CUX2: variants seen among roughly 807,000 people sequenced by gnomAD.
CUX2 encodes cut like homeobox 2, also known as homeobox protein cut-like 2.
Under a neutral mutation model 144.8 loss-of-function variants are expected in CUX2, and 40 were observed. The observed-to-expected ratio is 0.28, with a 90% confidence interval of 0.21 to 0.36. The LOEUF (loss-of-function observed/expected upper bound fraction) is 0.36, where lower values mean the gene tolerates loss of function less well. Among genes scored for constraint, CUX2 ranks in the 10% least tolerant of loss-of-function variants. The pLI is 1.00. For synonymous variants in CUX2, 827 were observed against 875.6 expected, an observed-to-expected ratio of 0.94 and a Z score of 0.98; for missense variants, 1,615 against 1,994.0, an observed-to-expected ratio of 0.81 and a Z score of 3.62.
chr12:111,034,261 CCG>C lies in CUX2; in HGVS notation c.63+26_63+27del. On this transcript the variant is annotated intron_variant, in intron 1 of 21. Coordinates refer to ENST00000261726, the MANE Select transcript of CUX2 (RefSeq NM_015267.4). This position sits in a 1 kb window ranked among gnomAD's most constrained non-coding sequence, Gnocchi z 4.2. ...TCCAGGTTAGTGCGGGCAGCGCCGG[CCG>C]CGCGGCCGTGAGGAGCCCCCGGGCG... The C allele has an allele frequency of 7.5e-7, 1 of 1,328,818 alleles. No individual in the cohort carries two copies. Among genetic ancestry groups the C allele is most frequent in the Non-Finnish European group, 9.9e-7 (1 of 1,007,020 alleles). 82.3% of individuals were successfully genotyped at this position (1,328,818 alleles called of 1,614,324 possible).
chr12:111,047,975 A>C (rs1352698574), intron 1 of CUX2, among the ~76,000 whole-genome samples: 1 of 152,070 alleles, frequency 6.6e-6, no homozygotes, highest in Non-Finnish European at 1.5e-5. Flanking sequence ...CTCCAGGAGG[A>C]GCCTGTGCAA....
intron 1 of CUX2, among the ~76,000 whole-genome samples, chr12:111,193,240 G>A (rs964422873): frequency 1.3e-5 from 2 of 152,314 alleles, no homozygotes; most frequent in South Asian, 2.1e-4. Context: ...GCCTGACTGC[G>A]CCCCATAGCC....
chr12:111,225,248 T>G (rs1224412890), intron 3 of CUX2, among the ~76,000 whole-genome samples: 1 of 152,132 alleles, frequency 6.6e-6, no homozygotes, highest in African/African-American at 2.4e-5. Flanking sequence ...TGAGCATGAG[T>G]TGGCATTCCC....
intron 1 of CUX2, among the ~76,000 whole-genome samples, chr12:111,185,449 G>T: frequency 6.6e-6 from 1 of 152,234 alleles, no homozygotes; most frequent in East Asian, 1.9e-4. Flanking sequence ...TGGTCACCCA[G>T]AGCAGGGACA....
chr12:111,216,212 C>A (rs1404449392), intron 2 of CUX2, among the ~76,000 whole-genome samples: 2 of 152,228 alleles, frequency 1.3e-5, no homozygotes, highest in African/African-American at 4.8e-5. Flanking sequence ...TTGAAAAGGG[C>A]CTGTTTGGGG....
chr12:111,100,130 A>T (rs1253650181), intron 1 of CUX2: 1 of 447,908 alleles, frequency 2.2e-6, no homozygotes, highest in South Asian at 1.6e-5. Context: ...GAGTGCAAGG[A>T]CCCGCCGAGG....
At chr12:111,284,592 T>A (rs1885280015) in intron 4 of CUX2, among the ~76,000 whole-genome samples, 1 of 152,210 alleles carries the variant, frequency 6.6e-6, no homozygotes, top group East Asian at 1.9e-4. Context: ...ATGCAGTTAG[T>A]GTCACCATTT....
chr12:111,149,262 T>G (rs1402924901), intron 1 of CUX2, among the ~76,000 whole-genome samples: 2 of 151,972 alleles, frequency 1.3e-5, no homozygotes, highest in Non-Finnish European at 1.5e-5. Flanking sequence ...ACATCATGAG[T>G]TTTGTGGGTT....
chr12:111,200,335 A>C (rs1880502274), intron 1 of CUX2, among the ~76,000 whole-genome samples: 2 of 152,070 alleles, frequency 1.3e-5, no homozygotes, highest in Admixed American at 6.5e-5. Flanking sequence ...GATAATAAGC[A>C]CTTTAATAAA....
intron 4 of CUX2, among the ~76,000 whole-genome samples, chr12:111,288,402 A>G (rs957199799): frequency 6.6e-6 from 1 of 152,078 alleles, no homozygotes; most frequent in Non-Finnish European, 1.5e-5. Context: ...GTCACTTGCC[A>G]AAGTCATACA....
chr12:111,199,177 G>C (rs1003744181), intron 1 of CUX2, among the ~76,000 whole-genome samples: 1 of 152,158 alleles, frequency 6.6e-6, no homozygotes, highest in African/African-American at 2.4e-5. Flanking sequence ...TTGAAGAGAC[G>C]TGGCTGGGAT....
intron 1 of CUX2, among the ~76,000 whole-genome samples, chr12:111,152,012 C>A (rs1020104369): frequency 6.6e-6 from 1 of 152,164 alleles, no homozygotes. Context: ...AAGGCCGGTG[C>A]GATGGCTCAC....
chr12:111,214,156 T>G, intron 1 of CUX2, 44 bp from the exon 2 acceptor site: 1 of 1,238,744 alleles, frequency 8.1e-7, no homozygotes, highest in South Asian at 1.5e-5. Flanking sequence ...AAAAATCTTT[T>G]TCTTTTCTCT....
At chr12:111,179,138 T>A (rs1238099662) in intron 1 of CUX2, among the ~76,000 whole-genome samples, 1 of 152,060 alleles carries the variant, frequency 6.6e-6, no homozygotes, top group Non-Finnish European at 1.5e-5. Context: ...CCCCTCCTCA[T>A]TGAGGATCCC....
intron 1 of CUX2, among the ~76,000 whole-genome samples, chr12:111,204,628 G>T (rs906325181): frequency 6.6e-6 from 1 of 152,164 alleles, no homozygotes; most frequent in Admixed American, 6.5e-5. Flanking sequence ...TGGGACGAGT[G>T]GCTTTGTCTC....
At chr12:111,174,462 AG>A (rs1878726298) in intron 1 of CUX2, among the ~76,000 whole-genome samples, 4 of 152,234 alleles carry the variant, frequency 2.6e-5, no homozygotes, top group Admixed American at 2.6e-4. Flanking sequence ...CCTTGAGGGT[AG>A]GGCTGTGTGT....
chr12:111,248,470 T>C (rs1242729192), intron 3 of CUX2, among the ~76,000 whole-genome samples: 1 of 151,906 alleles, frequency 6.6e-6, no homozygotes, highest in Non-Finnish European at 1.5e-5. Flanking sequence ...TTGCCAGCCA[T>C]AGGGGGAGGA....
Position 111,068,496 on chromosome 12 carries a change from T to C in CUX2, c.63+34256T>C, listed in dbSNP as rs770107103. Among the ~76,000 whole-genome samples, 1 of 152,240 alleles carries C rather than the reference T, an allele frequency of 6.6e-6. No individual in the cohort carries two copies. The highest frequency in any genetic ancestry group is 2.1e-4 in the South Asian group (1 of 4,834). On this transcript the variant is annotated intron_variant, in intron 1 of 21. Coordinates refer to ENST00000261726, the MANE Select transcript of CUX2 (RefSeq NM_015267.4). This position sits in a 1 kb window ranked among gnomAD's most constrained non-coding sequence, Gnocchi z 4.9. ...GAGACGCCTGCAACAGTGAGCTTTTTTATTTTTTTCCAGAAAGCCTTCAGC... is the reference window on the plus strand; with the variant it reads ...GAGACGCCTGCAACAGTGAGCTTTTCTATTTTTTTCCAGAAAGCCTTCAGC...
At chr12:111,073,781 G>A (rs978293707) in intron 1 of CUX2, among the ~76,000 whole-genome samples, 1 of 152,012 alleles carries the variant, frequency 6.6e-6, no homozygotes, top group Non-Finnish European at 1.5e-5. Context: ...GCAACACAGG[G>A]AGACCCTGTC....
Sources: gnomAD v4.1 joint callset for allele counts (sites outside exome capture counted in the v4.1 genomes callset) on GRCh38, gnomAD v4.1.1 for gene constraint, Gnocchi (gnomAD v3.1) non-coding constraint, MANE v1.5 for transcripts, NCBI Gene and HGNC (gene_info 2026-07-23, HGNC 2026-07-21) for gene names.